SLC4A7: variants seen among roughly 807,000 people sequenced by gnomAD.
SLC4A7 encodes the protein solute carrier family 4 member 7.
A neutral mutation model predicts 137.6 loss-of-function variants in SLC4A7; 51 were observed. That is an observed-to-expected ratio of 0.37 (90% CI 0.30 to 0.47). SLC4A7 has a LOEUF of 0.47. SLC4A7 is among the 20% of genes least tolerant of loss of function. SLC4A7 has a pLI of 1.00. For missense variants in SLC4A7, 1,247 were observed against 1,525.4 expected (o/e 0.82, Z 3.04); for synonymous variants, 542 against 518.6 (o/e 1.05, Z -0.61).
At chr3:27,443,566 AT>A (rs918713205) in intron 3 of SLC4A7, among the ~76,000 whole-genome samples, 5 of 150,948 alleles carry the variant, frequency 3.3e-5, no homozygotes, top group Admixed American at 3.3e-4. Context: ...AATGTGCCCT[AT>A]TTTTTTTCCT....
At chr3:27,469,897 C>A (rs1559842940) in intron 1 of SLC4A7, among the ~76,000 whole-genome samples, 1 of 152,162 alleles carries the variant, frequency 6.6e-6, no homozygotes, top group Non-Finnish European at 1.5e-5. Context: ...AATAAACATT[C>A]AACTAACCTT....
chr3:27,474,585 C>A (rs987611348), intron 1 of SLC4A7, among the ~76,000 whole-genome samples: 1 of 151,814 alleles, frequency 6.6e-6, no homozygotes, highest in African/African-American at 2.4e-5. Context: ...GTGGCGGGCA[C>A]CTGTAATCCC....
At chr3:27,481,637 T>A (rs2059711231) in intron 1 of SLC4A7, among the ~76,000 whole-genome samples, 1 of 152,226 alleles carries the variant, frequency 6.6e-6, no homozygotes, top group African/African-American at 2.4e-5. Flanking sequence ...AGCTTTACTA[T>A]TCTCCCATTC....
intron 22 of SLC4A7, 78 bp from the exon 23 acceptor site, chr3:27,386,101 T>G: frequency 8.7e-7 from 1 of 1,153,500 alleles, no homozygotes; most frequent in Non-Finnish European, 1.2e-6. Flanking sequence ...GCATATTTAT[T>G]AAATCTTATA....
intron 3 of SLC4A7, among the ~76,000 whole-genome samples, chr3:27,445,252 G>T (rs2057499770): frequency 6.6e-6 from 1 of 152,078 alleles, no homozygotes; most frequent in South Asian, 2.1e-4. Flanking sequence ...TCCTTTTTCA[G>T]ATCTTTGGAA....
At chr3:27,411,563 A>G (rs2053902524) in intron 12 of SLC4A7, 79 bp downstream of exon 12, 2 of 715,886 alleles carry the variant, frequency 2.8e-6, no homozygotes, top group Middle Eastern at 5.3e-4. Context: ...TAGGTTCCAA[A>G]CACTTGGAAA....
rs535204139 is a variant in SLC4A7, at chr3:27,437,989, G to A, written c.290-463C>T. 1.1e-3 allele frequency among the ~76,000 whole-genome samples: 165 copies of A among 152,234 alleles called. 1 individual carries two copies. The highest frequency in any genetic ancestry group is 3.5e-3 in the Admixed American group (53 of 15,288). On this transcript the variant is annotated intron_variant, in intron 3 of 25. Transcript: ENST00000454389. ...AGGCAAGTGTACCATCTGAGGTCAG[G>A]AGCTCGAGACCAGCCTAGCCAACAT...
chr3:27,435,517 C>T (rs1331321765), intron 5 of SLC4A7, among the ~76,000 whole-genome samples: 1 of 152,124 alleles, frequency 6.6e-6, no homozygotes, highest in African/African-American at 2.4e-5. Flanking sequence ...TAAAAACCAT[C>T]AAGACCACCA....
At chr3:27,416,325 A>G (rs1045232212) in intron 11 of SLC4A7, among the ~76,000 whole-genome samples, 3 of 152,182 alleles carry the variant, frequency 2.0e-5, no homozygotes, top group African/African-American at 7.2e-5. Context: ...TACTATAGTT[A>G]ATTTTATGCA....
At chr3:27,429,101 A>G (rs1381824351) in intron 7 of SLC4A7, among the ~76,000 whole-genome samples, 3 of 151,936 alleles carry the variant, frequency 2.0e-5, no homozygotes, top group Non-Finnish European at 4.4e-5. Flanking sequence ...CCCCGTTGCT[A>G]CTAAAAATAC....
At chr3:27,387,756 C>T (rs1378628627) in intron 22 of SLC4A7, among the ~76,000 whole-genome samples, 1 of 152,078 alleles carries the variant, frequency 6.6e-6, no homozygotes, top group African/African-American at 2.4e-5. Flanking sequence ...ACAACAAAGG[C>T]TCCAACTTCA....
chr3:27,443,024 CTTTTTTTCTTT>C (rs2057326979), intron 3 of SLC4A7, among the ~76,000 whole-genome samples: 1 of 102,142 alleles, frequency 9.8e-6, no homozygotes, highest in Admixed American at 1.2e-4. Context: ...TCTCTTTTTT[CTTTTTTTCTTT>C]TTTTTTTTTT....
intron 1 of SLC4A7, among the ~76,000 whole-genome samples, chr3:27,457,142 C>G (rs1326016519): frequency 6.6e-6 from 1 of 151,830 alleles, no homozygotes; most frequent in Non-Finnish European, 1.5e-5. Context: ...TTGGGATTCT[C>G]TACATTCTTA....
chr3:27,397,629 T>C (rs1159820717), intron 18 of SLC4A7, 55 bp downstream of exon 18: 3 of 829,324 alleles, frequency 3.6e-6, no homozygotes, highest in Non-Finnish European at 6.2e-6. Context: ...AGTATCTTGC[T>C]TTAAAGTAGT....
At chr3:27,430,886 T>C (rs1172102442) in intron 7 of SLC4A7, among the ~76,000 whole-genome samples, 1 of 152,116 alleles carries the variant, frequency 6.6e-6, no homozygotes, top group Admixed American at 6.6e-5. Context: ...ATTAAAACAT[T>C]ATAAAAAATG....
At chr3:27,475,885 T>C (rs906869497) in intron 1 of SLC4A7, among the ~76,000 whole-genome samples, 4 of 152,168 alleles carry the variant, frequency 2.6e-5, no homozygotes, top group African/African-American at 7.2e-5. Flanking sequence ...TATGCATGGA[T>C]TGGCAAGCTA....
In SLC4A7 at chr3:27,452,542, T is replaced by C. The variant is rs773849951; in HGVS notation, c.61-44A>G. 6.8e-6 allele frequency: 9 copies of C among 1,327,602 alleles called. No homozygotes were observed. In the Admixed American group the frequency reaches 9.0e-5, roughly 13 times the overall value. 82.2% of individuals were successfully genotyped at this position (1,327,602 alleles called of 1,614,324 possible). On this transcript the variant is annotated intron_variant, in intron 1 of 25. Transcript: ENST00000454389. ...CATTGACTCATGAGATCACAATCTATTGAGGACCTATTATATGCATCCTTT... is the reference window on the plus strand; with the variant it reads ...CATTGACTCATGAGATCACAATCTACTGAGGACCTATTATATGCATCCTTT...
Position 27,374,641 on chromosome 3 carries a change from A to T in SLC4A7, c.*2123T>A, listed in dbSNP as rs1466271701. On this transcript the variant is annotated 3_prime_UTR_variant, in exon 26 of 26. Coordinates refer to ENST00000454389, the MANE Select transcript of SLC4A7 (RefSeq NM_001321103.2). ...GCATTGTAAAAACATTTTGAGTGCA[A>T]AGTATTTTGCAAGTGACGGTTTTTC... 6.6e-6 allele frequency: 1 copy of T among 152,502 alleles called. No homozygotes were observed. The highest frequency in any genetic ancestry group is 1.5e-5 in the Non-Finnish European group (1 of 67,916). 9.4% of individuals were successfully genotyped at this position (152,502 alleles called of 1,614,324 possible).
chr3:27,428,529 G>A (rs2055897797), intron 7 of SLC4A7, among the ~76,000 whole-genome samples: 1 of 151,900 alleles, frequency 6.6e-6, no homozygotes, highest in South Asian at 2.1e-4. Flanking sequence ...AATGAGCTTT[G>A]GCTAAATGTA....
Sources: allele counts gnomAD v4.1 joint callset (sites outside exome capture counted in the v4.1 genomes callset), GRCh38; gene constraint gnomAD v4.1.1; transcripts MANE v1.5; gene names NCBI Gene and HGNC (gene_info 2026-07-23, HGNC 2026-07-21).